The following AAMDC variants were observed in gnomAD, a reference collection of about 807,000 sequenced individuals.
The protein encoded by AAMDC is mth938 domain-containing protein.
In AAMDC, 16 loss-of-function variants were observed where a neutral mutation model predicts 15.5. The ratio of observed to expected loss-of-function variants is 1.03; its 90% CI spans 0.70 to 1.57. The LOEUF is 1.57. AAMDC is among the 40% of genes most tolerant of loss of function. The probability of loss-of-function intolerance (pLI) is 0.00; values close to 1 mark genes in which losing one functional copy is unlikely to be tolerated. For missense variants in AAMDC, 141 were observed against 144.9 expected, an observed-to-expected ratio of 0.97 and a Z score of 0.14; for synonymous variants, 51 against 51.6, an observed-to-expected ratio of 0.99 and a Z score of 0.05.
intron 1 of AAMDC, among the ~76,000 whole-genome samples, chr11:77,825,257 C>T (rs1432423074): frequency 6.6e-6 from 1 of 151,952 alleles, no homozygotes; most frequent in Non-Finnish European, 1.5e-5. Flanking sequence ...GCTGGGATTA[C>T]AGGCATGAGC....
downstream of AAMDC, chr11:77,876,944 G>A (rs900731207): frequency 1.4e-6 from 1 of 702,940 alleles, no homozygotes; most frequent in African/African-American, 1.7e-5. Flanking sequence ...TCATGTTTTT[G>A]TCTAGGCTCC....
At chr11:77,883,938 A>G in intron 5 of AAMDC, 1 of 1,613,278 alleles carries the variant, frequency 6.2e-7, no homozygotes, top group Non-Finnish European at 8.5e-7. Flanking sequence ...GAGCCTGGCC[A>G]TCTGGATATA....
chr11:77,836,031 T>C (rs1341922227), intron 1 of AAMDC, among the ~76,000 whole-genome samples: 1 of 152,196 alleles, frequency 6.6e-6, no homozygotes, highest in African/African-American at 2.4e-5. Context: ...ACTTATTAGC[T>C]ATATAACTTG....
intron 2 of AAMDC, among the ~76,000 whole-genome samples, chr11:77,867,547 T>G (rs1373443091): frequency 6.6e-6 from 1 of 152,148 alleles, no homozygotes; most frequent in Non-Finnish European, 1.5e-5. Context: ...TGGCACAGAG[T>G]TAAGTTCTCA....
intron 1 of AAMDC, among the ~76,000 whole-genome samples, chr11:77,839,527 C>T (rs573346199): frequency 6.6e-6 from 1 of 152,282 alleles, no homozygotes; most frequent in South Asian, 2.1e-4. Flanking sequence ...CACATATATT[C>T]ATTGCAGCAC....
At chr11:77,865,402 G>C (rs1951065983) in intron 2 of AAMDC, among the ~76,000 whole-genome samples, 2 of 152,110 alleles carry the variant, frequency 1.3e-5, no homozygotes, top group South Asian at 4.2e-4. Context: ...TCATCTCCTA[G>C]AACATTTGAA....
chr11:77,848,329 T>G (rs1426599264), intron 2 of AAMDC, among the ~76,000 whole-genome samples: 6 of 152,136 alleles, frequency 3.9e-5, no homozygotes, highest in Non-Finnish European at 8.8e-5. Context: ...TTTTCCCACA[T>G]AAGACCATAT....
chr11:77,842,453 T>G (rs1949970635), intron 1 of AAMDC, 26 bp from the exon 2 acceptor site: 1 of 1,602,168 alleles, frequency 6.2e-7, no homozygotes, highest in Non-Finnish European at 8.5e-7. Context: ...TATAACTGAT[T>G]TAGTATATTT....
At chr11:77,903,587 G>C (rs1952845354), downstream of AAMDC, 1 of 1,613,896 alleles carries the variant, frequency 6.2e-7, no homozygotes, top group African/African-American at 1.3e-5. Flanking sequence ...AAATACAAAG[G>C]GGCAGCTACA....
At chr11:77,855,718 G>GTTTT (rs1590956795) in intron 2 of AAMDC, among the ~76,000 whole-genome samples, 1 of 79,202 alleles carries the variant, frequency 1.3e-5, no homozygotes, top group African/African-American at 5.4e-5. Context: ...CCAGTTTTAT[G>GTTTT]TCTTTTTTTT....
In AAMDC at chr11:77,891,026, C is replaced by CT. The variant is rs1261551385; in HGVS notation, c.329-9543dup. On this transcript the variant is annotated intron_variant, in intron 5 of 5. Transcript: ENST00000304716. ...GTCACATTACAAGATTAGAAAAGGTCTTATCATTTAGTGAACCCTTACTGG... is the reference window on the plus strand; with the variant it reads ...GTCACATTACAAGATTAGAAAAGGTCTTTATCATTTAGTGAACCCTTACTGG... Among the ~76,000 whole-genome samples, 7 of 152,290 alleles carry CT rather than the reference C, an allele frequency of 4.6e-5. No individual in the cohort carries two copies. In the South Asian group the frequency reaches 1.5e-3, roughly 32 times the overall value.
At chr11:77,870,007 G>A (rs1014969836) in intron 3 of AAMDC, 190 bp downstream of exon 3, 2 of 442,610 alleles carry the variant, frequency 4.5e-6, no homozygotes, top group African/African-American at 4.0e-5. Context: ...ACCTAACCCT[G>A]AGACAGTGTC....
At chr11:77,878,885 G>C in intron 5 of AAMDC, 1 of 1,231,152 alleles carries the variant, frequency 8.1e-7, no homozygotes. Flanking sequence ...AGTGCTTCAG[G>C]CTTGGCTCAT....
intron 2 of AAMDC, chr11:77,850,899 A>G (rs1950348755): frequency 6.6e-6 from 1 of 151,862 alleles, no homozygotes; most frequent in Non-Finnish European, 1.5e-5. Flanking sequence ...ATTCTCCTCT[A>G]TAACTACAAT....
intron 1 of AAMDC, among the ~76,000 whole-genome samples, chr11:77,827,405 C>A (rs1949228938): frequency 6.6e-6 from 1 of 152,072 alleles, no homozygotes; most frequent in Non-Finnish European, 1.5e-5. Context: ...ACTAGCAAAC[C>A]AGTTCCAACC....
At chr11:77,902,962 G>A (rs192593535), downstream of AAMDC, among the ~76,000 whole-genome samples, 43 of 152,296 alleles carry the variant, frequency 2.8e-4, no homozygotes, top group African/African-American at 8.9e-4. Context: ...TAGAGACAGC[G>A]TTTCACCATG....
At chr11:77,894,246 T>C (rs768331856) in intron 5 of AAMDC, 11 of 1,057,146 alleles carry the variant, frequency 1.0e-5, no homozygotes, top group East Asian at 7.2e-5. Flanking sequence ...CTATACTCCA[T>C]GTAACCAAGA....
At chr11:77,872,680 G>A (rs1467524628), downstream of AAMDC, among the ~76,000 whole-genome samples, 2 of 152,178 alleles carry the variant, frequency 1.3e-5, no homozygotes, top group Admixed American at 6.5e-5. Flanking sequence ...AGGCGCCATG[G>A]CTCACGCCTG....
chr11:77,902,086 G>A (rs552052241), downstream of AAMDC, among the ~76,000 whole-genome samples: 1 of 152,278 alleles, frequency 6.6e-6, no homozygotes, highest in African/African-American at 2.4e-5. Context: ...CCAAATAAGC[G>A]ATTTTCATCA....
Sources: gnomAD v4.1 joint callset for allele counts (sites outside exome capture counted in the v4.1 genomes callset) on GRCh38, gnomAD v4.1.1 for gene constraint, MANE v1.5 for transcripts, NCBI Gene and HGNC (gene_info 2026-07-23, HGNC 2026-07-21) for gene names.